The following TNFSF10 variants were observed in gnomAD, a reference collection of about 807,000 sequenced individuals.
The protein encoded by TNFSF10 is TNF superfamily member 10.
In TNFSF10, 13 loss-of-function variants were observed where a neutral mutation model predicts 29.5. That is an observed-to-expected ratio of 0.44 (90% CI 0.29 to 0.70). The LOEUF is 0.70. Ranked by LOEUF, TNFSF10 falls within the 30% of genes least tolerant of loss-of-function variation. The probability of loss-of-function intolerance (pLI) is 0.13; values close to 1 mark genes in which losing one functional copy is unlikely to be tolerated. For synonymous variants in TNFSF10, 111 were observed against 112.8 expected, an observed-to-expected ratio of 0.98 and a Z score of 0.10; for missense variants, 345 against 330.9, an observed-to-expected ratio of 1.04 and a Z score of -0.33.
At position 172,514,973 on chromosome 3, in the gene TNFSF10, C is replaced by A. The variant is rs762581784; in HGVS notation, c.158G>T (p.Gly53Val). 49 of 1,613,954 alleles carry A rather than the reference C, an allele frequency of 3.0e-5. No individual in the cohort carries two copies. Among genetic ancestry groups the A allele is most frequent in the Non-Finnish European group, 4.2e-5 (49 of 1,180,002 alleles). ...KQMQDKYSKS[G>V]IACFLKEDDS... is the part of the protein sequence containing the mutation. ...ATCTTCTTTTAAGAAACAAGCAATG[C>A]CACTTTTGGAGTACTTGTCCTGCAT... Residue 53 changes from glycine (G) to valine (V), a missense_variant, in exon 2 of 5, where the codon GGC becomes GTC. By Grantham distance (109) the Gly-to-Val change is moderately radical (BLOSUM62 -3). Coordinates refer to ENST00000241261, the MANE Select transcript of TNFSF10 (RefSeq NM_003810.4).
intron 1 of TNFSF10, among the ~76,000 whole-genome samples, chr3:172,519,977 G>A (rs1033351956): frequency 6.6e-6 from 1 of 152,202 alleles, no homozygotes; most frequent in African/African-American, 2.4e-5. Flanking sequence ...ACAGACCTGG[G>A]TGCTAGCCGC....
At chr3:172,513,109 C>A (rs3136593) in intron 2 of TNFSF10, among the ~76,000 whole-genome samples, 15 of 152,114 alleles carry the variant, frequency 9.9e-5, no homozygotes, top group African/African-American at 3.1e-4. Flanking sequence ...CCCAGCTTCC[C>A]GCTATTCTAG....
chr3:172,517,787 T>C, intron 1 of TNFSF10: 1 of 982,212 alleles, frequency 1.0e-6, no homozygotes, highest in Non-Finnish European at 1.2e-6. Flanking sequence ...TTGTAAAATA[T>C]AGAAAAATAA....
intron 1 of TNFSF10, among the ~76,000 whole-genome samples, chr3:172,517,074 G>T (rs1009244628): frequency 6.6e-6 from 1 of 152,232 alleles, no homozygotes; most frequent in African/African-American, 2.4e-5. Flanking sequence ...GGAGGGAGCG[G>T]TATGCCTTTT....
rs1236414385 is a variant in TNFSF10, at chr3:172,506,247, T to C, written c.*245A>G. On this transcript the variant is annotated 3_prime_UTR_variant, in exon 5 of 5. Coordinates refer to ENST00000241261, the MANE Select transcript of TNFSF10 (RefSeq NM_003810.4). Reference sequence around the variant, plus strand: ...CTAGATTTCTGCTAGCAAACTGATATGAGGTAGAGTCCTGAAAGATCTTTC... The same window carrying C: ...CTAGATTTCTGCTAGCAAACTGATACGAGGTAGAGTCCTGAAAGATCTTTC... 9.2e-6 allele frequency: 4 copies of C among 433,992 alleles called. No individual in the cohort carries two copies. Among genetic ancestry groups the C allele is most frequent in the Non-Finnish European group, 1.6e-5 (4 of 245,002 alleles). The allele number at this position is 433,992 out of a possible 1,614,324, so 26.9% of individuals were successfully genotyped here. A position where few individuals can be genotyped will look rare whatever the true frequency, so the allele number is the denominator to read the frequency against.
intron 1 of TNFSF10, among the ~76,000 whole-genome samples, chr3:172,516,179 G>A (rs975335691): frequency 6.6e-6 from 1 of 151,618 alleles, no homozygotes; most frequent in Non-Finnish European, 1.5e-5. Context: ...CAGGATAATG[G>A]TGTGAACCCG....
chr3:172,516,876 A>C (rs530333574), intron 1 of TNFSF10, among the ~76,000 whole-genome samples: 1 of 152,334 alleles, frequency 6.6e-6, no homozygotes, highest in South Asian at 2.1e-4. Flanking sequence ...AAGAAGGAAG[A>C]GACGAGAAAC....
In TNFSF10 at chr3:172,514,957, T is replaced by C. The variant is rs1713370981; in HGVS notation, c.174A>G (p.Leu58=). 2 of 1,614,178 alleles carry C rather than the reference T, an allele frequency of 1.2e-6. No homozygotes were observed. The highest frequency in any genetic ancestry group is 1.7e-6 in the Non-Finnish European group (2 of 1,180,006). Residue 58 remains leucine (L), a synonymous_variant, in exon 2 of 5, where the codon TTA becomes TTG. Transcript: ENST00000241261. ...KYSKSGIACF[L]KEDDSYWDPN... is the part of the protein sequence containing the mutation. ...GGTCCCAATAACTGTCATCTTCTTT[T>C]AAGAAACAAGCAATGCCACTTTTGG...
At chr3:172,518,982 T>C (rs1279778911) in intron 1 of TNFSF10, among the ~76,000 whole-genome samples, 2 of 152,226 alleles carry the variant, frequency 1.3e-5, no homozygotes, top group Non-Finnish European at 2.9e-5. Flanking sequence ...ACCTCCTTCA[T>C]GCCTGGGTTC....
intron 2 of TNFSF10, 140 bp from the exon 3 acceptor site, chr3:172,511,799 G>A (rs1560145259): frequency 4.5e-6 from 3 of 661,772 alleles, no homozygotes; most frequent in Non-Finnish European, 7.8e-6. Context: ...AGTTGGTCAA[G>A]CATAGGGTCT....
intron 2 of TNFSF10, 45 bp downstream of exon 2, chr3:172,514,816 G>T (rs1341666030): frequency 1.2e-6 from 2 of 1,606,626 alleles, no homozygotes; most frequent in African/African-American, 2.7e-5. Context: ...GAATTCTTCT[G>T]GCCTTCTCCG....
intron 1 of TNFSF10, chr3:172,518,302 C>T: frequency 8.3e-7 from 1 of 1,206,078 alleles, no homozygotes. Flanking sequence ...ATGGTGACTG[C>T]TCTTGGTGCT....
intron 1 of TNFSF10, among the ~76,000 whole-genome samples, chr3:172,516,340 G>T (rs1363424053): frequency 6.6e-6 from 1 of 151,808 alleles, no homozygotes; most frequent in African/African-American, 2.4e-5. Context: ...TCTGTTATTT[G>T]AACTAAGGTA....
chr3:172,518,558 C>T (rs1713545089), intron 1 of TNFSF10: 1 of 1,011,786 alleles, frequency 9.9e-7, no homozygotes. Flanking sequence ...AGTGACAGGC[C>T]ATTCCTTTAT....
At chr3:172,515,569 C>T (rs1441361279) in intron 1 of TNFSF10, among the ~76,000 whole-genome samples, 2 of 152,124 alleles carry the variant, frequency 1.3e-5, no homozygotes, top group African/African-American at 4.8e-5. Flanking sequence ...AAAATCTGGA[C>T]CATGTTGCCA....
In TNFSF10 at chr3:172,523,252, C is replaced by A; in HGVS notation, c.132+1G>T. On this transcript the variant is annotated splice_donor_variant, in intron 1 of 4. Transcript: ENST00000241261. LOFTEE classifies it high-confidence loss of function. ...GACTGAGTGCACTGCACTGCACTGA[C>A]CTGCTTCAGCTCGTTGGTAAAGTAC... The A allele has an allele frequency of 6.2e-7, 1 of 1,613,372 alleles. No individual in the cohort carries two copies. The highest frequency in any genetic ancestry group is 1.1e-5 in the South Asian group (1 of 91,034).
intron 1 of TNFSF10, chr3:172,517,641 T>C: frequency 1.0e-6 from 1 of 985,398 alleles, no homozygotes; most frequent in Non-Finnish European, 1.2e-6. Flanking sequence ...AGGGGTGAGA[T>C]CAGACTGTGT....
chr3:172,522,426 G>A, intron 1 of TNFSF10: 1 of 1,521,046 alleles, frequency 6.6e-7, no homozygotes, highest in South Asian at 1.1e-5. Flanking sequence ...ATTTGTGTTT[G>A]AAAGCAGGAA....
At chr3:172,523,231 G>C in intron 1 of TNFSF10, 22 bp downstream of exon 1, 1 of 1,569,096 alleles carries the variant, frequency 6.4e-7, no homozygotes, top group Non-Finnish European at 8.7e-7. Flanking sequence ...CTCGAAGACT[G>C]AGTGCACTGC....
Sources: gnomAD v4.1 joint callset for allele counts (sites outside exome capture counted in the v4.1 genomes callset) on GRCh38, gnomAD v4.1.1 for gene constraint, MANE v1.5 for transcripts, NCBI Gene and HGNC (gene_info 2026-07-23, HGNC 2026-07-21) for gene names.